SETD2: variants seen among roughly 807,000 people sequenced by gnomAD.
SETD2 encodes the protein histone-lysine N-methyltransferase SETD2.
Under a neutral mutation model 242.1 loss-of-function variants are expected in SETD2, and 31 were observed. The observed-to-expected ratio is 0.13, with a 90% CI of 0.10 to 0.17. The LOEUF is 0.17. SETD2 is among the 10% of genes least tolerant of loss of function. SETD2 has a pLI of 1.00. For missense variants in SETD2, 2,481 were observed against 3,046.3 expected (o/e 0.81, Z 4.37); for synonymous variants, 1,006 against 1,066.5 (o/e 0.94, Z 1.11).
At chr3:47,039,711 CAAA>C (rs554753105) in intron 17 of SETD2, among the ~76,000 whole-genome samples, 130 of 101,604 alleles carry the variant, frequency 1.3e-3, no homozygotes, top group East Asian at 5.9e-3. Context: ...ACCGAAAATA[CAAA>C]AAAAAAAAAA....
At chr3:47,039,799 C>G (rs2039193797) in intron 17 of SETD2, among the ~76,000 whole-genome samples, 1 of 144,898 alleles carries the variant, frequency 6.9e-6, no homozygotes, top group South Asian at 2.3e-4. Flanking sequence ...AGGAGAATTA[C>G]TTGAACCCTG....
intron 3 of SETD2, chr3:47,119,456 T>C (rs1272376904): frequency 1.3e-5 from 2 of 158,836 alleles, no homozygotes; most frequent in African/African-American, 4.8e-5. Context: ...AAGTACCTGA[T>C]ATGGTTTGGC....
chr3:47,024,587 G>A (rs1488625954), intron 18 of SETD2, among the ~76,000 whole-genome samples: 2 of 152,242 alleles, frequency 1.3e-5, no homozygotes, highest in Non-Finnish European at 2.9e-5. Flanking sequence ...GGGAGGCAAA[G>A]GTTGCAGTGA....
At chr3:47,071,702 A>G (rs188042022) in intron 12 of SETD2, among the ~76,000 whole-genome samples, 84 of 152,224 alleles carry the variant, frequency 5.5e-4, no homozygotes, top group African/African-American at 1.8e-3. Context: ...AAATAAAAGT[A>G]AAAGGTAGAA....
At chr3:47,133,404 T>C (rs1305666532) in intron 1 of SETD2, among the ~76,000 whole-genome samples, 1 of 152,076 alleles carries the variant, frequency 6.6e-6, no homozygotes, top group Non-Finnish European at 1.5e-5. Flanking sequence ...AACTTAAAGA[T>C]AATCAAATAT....
rs2106711780 is a variant in SETD2, at chr3:47,123,766, T to C, written c.870A>G (p.Glu290=). Reference sequence around the variant, plus strand: ...TAATCTTAGAACTATCTGGAATTTCTTCATCCTTCCCAATATGGGAATCTT... The same window carrying C: ...TAATCTTAGAACTATCTGGAATTTCCTCATCCTTCCCAATATGGGAATCTT... ...KKEDSHIGKD[E]EIPDSSKISL... The change falls in exon 3 of 21, where the codon GAA becomes GAG. Residue 290 remains glutamate (E), a synonymous_variant. Transcript: ENST00000409792. The C allele has an allele frequency of 6.5e-7, 1 of 1,548,638 alleles. No individual in the cohort carries two copies. Among genetic ancestry groups the C allele is most frequent in the African/African-American group, 1.4e-5 (1 of 72,904 alleles).
chr3:47,114,474 T>C (rs2042777768), intron 4 of SETD2, among the ~76,000 whole-genome samples: 1 of 152,196 alleles, frequency 6.6e-6, no homozygotes, highest in Non-Finnish European at 1.5e-5. Context: ...GTAAACAGAA[T>C]AACATGGCAT....
At chr3:47,117,667 G>C (rs1475250523) in intron 3 of SETD2, among the ~76,000 whole-genome samples, 1 of 152,170 alleles carries the variant, frequency 6.6e-6, no homozygotes, top group Non-Finnish European at 1.5e-5. Context: ...AAAGCAGACT[G>C]AATTTTTTAA....
intron 2 of SETD2, among the ~76,000 whole-genome samples, chr3:47,125,975 C>T (rs1450606963): frequency 1.3e-5 from 2 of 152,224 alleles, no homozygotes; most frequent in Non-Finnish European, 2.9e-5. Flanking sequence ...ACATAGTAGT[C>T]ATTCAAGTTG....
chr3:47,103,531 T>C (rs1322281355), intron 6 of SETD2, 108 bp from the exon 7 acceptor site: 2 of 849,214 alleles, frequency 2.4e-6, no homozygotes, highest in Non-Finnish European at 3.8e-6. Context: ...AAAAAGATTG[T>C]GCTGCGAAAC....
At chr3:47,161,753 A>T (rs1697493206) in intron 1 of SETD2, among the ~76,000 whole-genome samples, 3 of 151,322 alleles carry the variant, frequency 2.0e-5, no homozygotes, top group South Asian at 4.2e-4. Context: ...AACGTAATTT[A>T]TTTTTTTTTA....
rs922299511 is a variant in SETD2 at position 47,042,671 on chromosome 3, C to T, written c.7128G>A (p.Leu2376=). The T allele has an allele frequency of 4.3e-6, 7 of 1,609,438 alleles. No homozygotes were observed. The African/African-American group carries it at 9.4e-5, about 22-fold the overall frequency. The change falls in exon 17 of 21, where the codon TTG becomes TTA. Residue 2376 remains leucine (L), a synonymous_variant. Transcript: ENST00000409792. Reference sequence around the variant, plus strand: ...TGGGAGGAGAGGGGGGCGGCAGATCCAAGAGATTATTTGTCACAACCATTT... The same window carrying T: ...TGGGAGGAGAGGGGGGCGGCAGATCTAAGAGATTATTTGTCACAACCATTT... ...PSEMVVTNNL[L]DLPPPSPPKP...
chr3:47,033,223 T>A (rs1450937005), intron 18 of SETD2, among the ~76,000 whole-genome samples: 1 of 152,216 alleles, frequency 6.6e-6, no homozygotes, highest in Non-Finnish European at 1.5e-5. Context: ...ACTCCCTTCC[T>A]TCCCTGCCTT....
intron 18 of SETD2, among the ~76,000 whole-genome samples, chr3:47,036,795 G>A (rs1334402568): frequency 3.3e-5 from 5 of 151,276 alleles, no homozygotes; most frequent in South Asian, 2.1e-4. Context: ...CCAGCTACTC[G>A]GGAGGCTAAG....
chr3:47,059,393 G>A (rs1464043832), intron 14 of SETD2, among the ~76,000 whole-genome samples: 1 of 151,762 alleles, frequency 6.6e-6, no homozygotes, highest in African/African-American at 2.4e-5. Context: ...TGGGATTATA[G>A]GCGTGAGCCA....
rs1268320526 is a variant in SETD2, at chr3:47,106,510, A to T, written c.4716-390T>A. Among the ~76,000 whole-genome samples, 190 of 135,042 alleles carry T rather than the reference A, an allele frequency of 1.4e-3. 1 individual carries two copies. Among genetic ancestry groups the T allele is most frequent in the African/African-American group, 5.1e-3 (184 of 36,192 alleles). The allele number at this position is 135,042 out of a possible 152,430, so 88.6% of individuals were successfully genotyped here. ...TTTTGCTCTAAAAAAAAAAAAAAAA[A>T]AAAAAAAAAAAAAAAAGGCAGCCGG... On this transcript the variant is annotated intron_variant, in intron 5 of 20. Transcript: ENST00000409792.
chr3:47,164,404 C>T (rs1469340491), upstream of SETD2: 1 of 153,332 alleles, frequency 6.5e-6, no homozygotes, highest in Non-Finnish European at 1.5e-5. The surrounding 1 kb of genome is among the most constrained non-coding windows in gnomAD (Gnocchi z 5.4). Flanking sequence ...GCCTGGCGGC[C>T]GGGGGCAGCG....
intron 5 of SETD2, among the ~76,000 whole-genome samples, chr3:47,109,057 T>C (rs1371218182): frequency 6.6e-6 from 1 of 152,124 alleles, no homozygotes; most frequent in Non-Finnish European, 1.5e-5. Flanking sequence ...TTCATTGAAC[T>C]CCTTCTCCTT....
intron 1 of SETD2, among the ~76,000 whole-genome samples, chr3:47,151,585 G>T (rs1382829997): frequency 6.6e-5 from 10 of 151,970 alleles, no homozygotes; most frequent in Non-Finnish European, 1.3e-4. Context: ...CCCAGCATGT[G>T]GGGAGGCCAA....
Sources: gnomAD v4.1 joint callset for allele counts (sites outside exome capture counted in the v4.1 genomes callset) on GRCh38, gnomAD v4.1.1 for gene constraint, Gnocchi (gnomAD v3.1) non-coding constraint, MANE v1.5 for transcripts, NCBI Gene and HGNC (gene_info 2026-07-23, HGNC 2026-07-21) for gene names.